PRKN: variants seen among roughly 807,000 people sequenced by gnomAD.
PRKN encodes the protein parkin RBR E3 ubiquitin protein ligase.
In PRKN, 56 loss-of-function variants were observed where a neutral mutation model predicts 59.5. The observed-to-expected ratio is 0.94, with a 90% CI of 0.76 to 1.18. The LOEUF is 1.18. Among genes scored for constraint, PRKN ranks in the 50% most tolerant of loss-of-function variants. The pLI is 0.00. For missense variants in PRKN, 657 were observed against 596.4 expected (o/e 1.10, Z -1.06); for synonymous variants, 250 against 222.1 (o/e 1.13, Z -1.12).
chr6:162,564,183 A>G (rs111997313), intron 1 of PRKN, among the ~76,000 whole-genome samples: 1 of 152,172 alleles, frequency 6.6e-6, no homozygotes, highest in African/African-American at 2.4e-5. Context: ...CGTCTCTACA[A>G]AAAATACAAA....
At chr6:161,951,384 ACCT>A (rs1779984200) in intron 6 of PRKN, among the ~76,000 whole-genome samples, 1 of 151,764 alleles carries the variant, frequency 6.6e-6, no homozygotes, top group African/African-American at 2.4e-5. Context: ...TGAACTATTA[ACCT>A]TCTTCTCTCT....
intron 7 of PRKN, among the ~76,000 whole-genome samples, chr6:161,747,766 C>T (rs758509023): frequency 6.6e-6 from 1 of 152,090 alleles, no homozygotes; most frequent in Non-Finnish European, 1.5e-5. Flanking sequence ...GCTCTAAGCA[C>T]CTTGGTGTTT....
At chr6:162,423,859 G>A (rs909051098) in intron 2 of PRKN, among the ~76,000 whole-genome samples, 2 of 152,140 alleles carry the variant, frequency 1.3e-5, no homozygotes, top group Non-Finnish European at 2.9e-5. Flanking sequence ...TGAGTGTTTA[G>A]ATGAATGCCT....
At chr6:162,661,712 G>A (rs556894567) in intron 1 of PRKN, among the ~76,000 whole-genome samples, 34 of 152,226 alleles carry the variant, frequency 2.2e-4, no homozygotes, top group African/African-American at 7.0e-4. Context: ...TAATCTACGC[G>A]TATCTATGTA....
intron 6 of PRKN, among the ~76,000 whole-genome samples, chr6:161,851,959 C>T (rs966903265): frequency 6.6e-6 from 1 of 151,322 alleles, no homozygotes; most frequent in African/African-American, 2.4e-5. Flanking sequence ...TGGTAGCACA[C>T]ACCTGTGGTC....
intron 10 of PRKN, among the ~76,000 whole-genome samples, chr6:161,366,071 C>CTGGAAGGTGGGGCCTT (rs1484469832): frequency 6.6e-6 from 1 of 152,188 alleles, no homozygotes; most frequent in Non-Finnish European, 1.5e-5. Context: ...GGTGATGCTA[C>CTGGAAGGTGGGGCCTT]TGGAAGGTGG....
At position 161,456,928 on chromosome 6, in the gene PRKN, TG is replaced by T. The variant is rs1789997140; in HGVS notation, c.1084-70052del. 6.6e-6 allele frequency among the ~76,000 whole-genome samples: 1 copy of T among 152,176 alleles called. No individual in the cohort carries two copies. The highest frequency in any genetic ancestry group is 1.5e-5 in the Non-Finnish European group (1 of 68,034). ...GCTGGAAGAGGCCTGGAGTGGTACT[TG>T]GACTTTGAAGCCAAACACTTGCCCT... On this transcript the variant is annotated intron_variant, in intron 9 of 11. Transcript: ENST00000366898. This position sits in a 1 kb window ranked among gnomAD's most constrained non-coding sequence, Gnocchi z 4.8.
intron 6 of PRKN, among the ~76,000 whole-genome samples, chr6:161,969,874 C>A (rs960546846): frequency 1.3e-5 from 2 of 151,876 alleles, no homozygotes; most frequent in African/African-American, 4.8e-5. Flanking sequence ...TTCCATTTTT[C>A]TCACCCTTCA....
chr6:161,663,968 G>GT (rs1481950050), intron 7 of PRKN, among the ~76,000 whole-genome samples: 1 of 152,176 alleles, frequency 6.6e-6, no homozygotes, highest in African/African-American at 2.4e-5. Flanking sequence ...GGTCAAAACA[G>GT]TGCTCCCGGG....
chr6:162,585,401 T>C (rs1279048277), intron 1 of PRKN, among the ~76,000 whole-genome samples: 1 of 152,214 alleles, frequency 6.6e-6, no homozygotes, highest in Non-Finnish European at 1.5e-5. Context: ...TGGCTGCATT[T>C]AGTTCTTCTA....
intron 8 of PRKN, among the ~76,000 whole-genome samples, chr6:161,553,885 G>C (rs575410226): frequency 6.6e-6 from 1 of 152,070 alleles, no homozygotes; most frequent in Non-Finnish European, 1.5e-5. Flanking sequence ...TAGCTTCCTC[G>C]CTATCTGCTA....
In PRKN at chr6:161,509,029, A is replaced by G. The variant is rs373693452; in HGVS notation, c.1083+39825T>C. Among the ~76,000 whole-genome samples, 16 of 152,152 alleles carry G rather than the reference A, an allele frequency of 1.1e-4. 2 individuals carry two copies. Among genetic ancestry groups the G allele is most frequent in the South Asian group, 4.2e-4 (2 of 4,816 alleles). ...CCAGCTAATTTTGTATTTTTAGTAG[A>G]GACAGGGTTTCTCCATGTTGGTCAG... On this transcript the variant is annotated intron_variant, in intron 9 of 11. Coordinates refer to ENST00000366898, the MANE Select transcript of PRKN (RefSeq NM_004562.3).
At chr6:161,517,249 A>T (rs1259184123) in intron 9 of PRKN, among the ~76,000 whole-genome samples, 1 of 152,134 alleles carries the variant, frequency 6.6e-6, no homozygotes. Flanking sequence ...TGACTGACCT[A>T]TCTTTTTAGG....
At chr6:162,295,026 A>G (rs1781601964) in intron 2 of PRKN, among the ~76,000 whole-genome samples, 1 of 152,226 alleles carries the variant, frequency 6.6e-6, no homozygotes, top group Admixed American at 6.5e-5. Flanking sequence ...CATACATTTA[A>G]TATACAGCCC....
In PRKN at chr6:162,109,297, A is replaced by G. The variant is rs553063044; in HGVS notation, c.535-55123T>C. On this transcript the variant is annotated intron_variant, in intron 4 of 11. Transcript: ENST00000366898. ...ACATCAGTAAGACAAAGAAAGTCGC[A>G]AAGTTGGAAGAATATACAGAGAGAG... 6.6e-5 allele frequency among the ~76,000 whole-genome samples: 10 copies of G among 152,326 alleles called. 1 individual carries two copies. The South Asian group carries it at 2.1e-3, about 32-fold the overall frequency.
chr6:161,631,138 A>C (rs952538951), intron 7 of PRKN, among the ~76,000 whole-genome samples: 6 of 152,206 alleles, frequency 3.9e-5, no homozygotes, highest in African/African-American at 1.2e-4. Context: ...TGAGTACATC[A>C]GAATAACTCT....
At chr6:161,945,172 T>C (rs962449494) in intron 6 of PRKN, among the ~76,000 whole-genome samples, 2 of 152,030 alleles carry the variant, frequency 1.3e-5, no homozygotes, top group African/African-American at 4.8e-5. Context: ...GGAGGCCGGA[T>C]TGGAAGTTTT....
intron 1 of PRKN, among the ~76,000 whole-genome samples, chr6:162,710,374 A>C (rs866670794): frequency 9.6e-5 from 12 of 125,304 alleles, no homozygotes; most frequent in African/African-American, 1.7e-4. Context: ...ACCCCCTACA[A>C]ACACACACAC....
chr6:162,656,664 G>C (rs1214905356), intron 1 of PRKN, among the ~76,000 whole-genome samples: 1 of 152,146 alleles, frequency 6.6e-6, no homozygotes, highest in East Asian at 1.9e-4. Flanking sequence ...ACTGCAATGA[G>C]AGTATTAGTT....
Sources: gnomAD v4.1 joint callset for allele counts (sites outside exome capture counted in the v4.1 genomes callset) on GRCh38, gnomAD v4.1.1 for gene constraint, Gnocchi (gnomAD v3.1) non-coding constraint, MANE v1.5 for transcripts, NCBI Gene and HGNC (gene_info 2026-07-23, HGNC 2026-07-21) for gene names.